PCDHA8: variants seen among roughly 807,000 people sequenced by gnomAD.
The protein encoded by PCDHA8 is protocadherin alpha 8, also known as protocadherin alpha-8.
PCDHA8 carries 53 observed loss-of-function variants against 61.8 expected under a neutral mutation model. That is an observed-to-expected ratio of 0.86 (90% confidence interval 0.69 to 1.08). The LOEUF is 1.08. Among genes scored for constraint, PCDHA8 ranks in the 50% least tolerant of loss-of-function variants. The probability of loss-of-function intolerance (pLI) is 0.00; values close to 1 mark genes in which losing one functional copy is unlikely to be tolerated. For missense variants in PCDHA8, 1,293 were observed against 1,245.0 expected (o/e 1.04, Z -0.58); for synonymous variants, 618 against 556.6 (o/e 1.11, Z -1.55).
chr5:140,986,011 T>A (rs1172713730), intron 3 of PCDHA8, among the ~76,000 whole-genome samples: 1 of 152,184 alleles, frequency 6.6e-6, no homozygotes, highest in Non-Finnish European at 1.5e-5. Flanking sequence ...AGTGCTGGGA[T>A]TACAGGCGTG....
intron 1 of PCDHA8, chr5:140,857,310 A>G (rs781828328): frequency 6.3e-7 from 1 of 1,598,492 alleles, no homozygotes; most frequent in Non-Finnish European, 8.6e-7. Context: ...TCGGCCTATG[A>G]GCTGGTGGTG....
At chr5:140,858,437 G>A (rs1343643925) in intron 1 of PCDHA8, 1 of 1,541,834 alleles carries the variant, frequency 6.5e-7, no homozygotes, top group Non-Finnish European at 8.8e-7. Flanking sequence ...CTCTAGGAAG[G>A]TGGGTTATTA....
At chr5:140,859,918 G>A (rs2046091009) in intron 1 of PCDHA8, 1 of 151,762 alleles carries the variant, frequency 6.6e-6, no homozygotes, top group Admixed American at 6.6e-5. Flanking sequence ...TATATTATAA[G>A]TAATATAAAA....
At chr5:140,866,241 A>C (rs1554160141) in intron 1 of PCDHA8, 1 of 152,134 alleles carries the variant, frequency 6.6e-6, no homozygotes, top group African/African-American at 2.4e-5. Context: ...ATATACCAAA[A>C]ATGACACCCT....
Position 140,871,086 on chromosome 5 carries a change from G to C in PCDHA8, c.2394+27371G>C, listed in dbSNP as rs556097993. The C allele has an allele frequency of 1.9e-6, 3 of 1,613,256 alleles. No individual in the cohort carries two copies. In the South Asian group the frequency reaches 3.3e-5, roughly 18 times the overall value. ...ACGGTGAGCCGGCGCTGACGGCCAC[G>C]GCCACCGTGCTGGTGTCGTTGGTGG... On this transcript the variant is annotated intron_variant, in intron 1 of 3. Coordinates refer to ENST00000531613, the MANE Select transcript of PCDHA8 (RefSeq NM_018911.3).
intron 1 of PCDHA8, among the ~76,000 whole-genome samples, chr5:140,938,157 G>C (rs532966795): frequency 6.6e-6 from 1 of 152,022 alleles, no homozygotes; most frequent in African/African-American, 2.4e-5. Context: ...CATTGCCCAG[G>C]CTAGTCTGGA....
intron 1 of PCDHA8, among the ~76,000 whole-genome samples, chr5:140,902,233 T>C (rs1402685005): frequency 6.7e-6 from 1 of 149,150 alleles, no homozygotes; most frequent in African/African-American, 2.5e-5. Context: ...AGATGAGGAC[T>C]TGCTTTGTTG....
chr5:140,885,430 A>T (rs1216159578), intron 1 of PCDHA8, among the ~76,000 whole-genome samples: 2 of 152,132 alleles, frequency 1.3e-5, no homozygotes, highest in African/African-American at 4.8e-5. Context: ...CCACAGTGTA[A>T]GTGTGCAATT....
At chr5:140,967,091 G>A (rs782261207) in intron 1 of PCDHA8, 1 of 1,613,196 alleles carries the variant, frequency 6.2e-7, no homozygotes. Context: ...TGATCGGGAG[G>A]CGCTGTGTGA....
At chr5:140,923,950 C>T (rs544576500) in intron 1 of PCDHA8, among the ~76,000 whole-genome samples, 3 of 152,266 alleles carry the variant, frequency 2.0e-5, no homozygotes, top group Admixed American at 6.5e-5. Flanking sequence ...TTTTTCCTCA[C>T]GCCCTAATCT....
At chr5:140,991,716 A>G (rs1287772391) in intron 3 of PCDHA8, among the ~76,000 whole-genome samples, 1 of 152,164 alleles carries the variant, frequency 6.6e-6, no homozygotes, top group East Asian at 1.9e-4. Flanking sequence ...TATTGCTACT[A>G]GCAGCCTGTT....
At chr5:140,962,438 G>A (rs1375451859) in intron 1 of PCDHA8, among the ~76,000 whole-genome samples, 3 of 152,108 alleles carry the variant, frequency 2.0e-5, no homozygotes, top group Non-Finnish European at 2.9e-5. Context: ...CTTATCCAAA[G>A]ATGGCTTGAA....
chr5:140,970,912 T>C (rs1035265875), intron 1 of PCDHA8, among the ~76,000 whole-genome samples: 3 of 152,212 alleles, frequency 2.0e-5, no homozygotes, highest in Non-Finnish European at 2.9e-5. Flanking sequence ...TTTATTCATT[T>C]ATCAGAAGTG....
At position 140,842,416 on chromosome 5, in the gene PCDHA8, T is replaced by C. The variant is rs1486970475; in HGVS notation, c.1095T>C (p.Phe365=). 1 of 1,613,166 alleles carries C rather than the reference T, an allele frequency of 6.2e-7. No homozygotes were observed. Among genetic ancestry groups the C allele is most frequent in the Non-Finnish European group, 8.5e-7 (1 of 1,179,328 alleles). The change falls in exon 1 of 4, where the codon TTT becomes TTC. Residue 365 remains phenylalanine, a synonymous_variant. Transcript: ENST00000531613. ...LSLPVREDAQ[F]GTVIALISVN... is the part of the protein sequence containing the mutation. ...TGCCTGTACGTGAAGACGCTCAATT[T>C]GGTACTGTCATCGCCCTAATTAGCG...
At chr5:140,862,748 C>T in intron 1 of PCDHA8, 1 of 577,560 alleles carries the variant, frequency 1.7e-6, no homozygotes, top group Non-Finnish European at 3.3e-6. Flanking sequence ...TGGGTGCACG[C>T]GGAGAGCGGC....
chr5:140,933,372 C>T (rs1332069734), intron 1 of PCDHA8, among the ~76,000 whole-genome samples: 2 of 151,918 alleles, frequency 1.3e-5, no homozygotes, highest in African/African-American at 2.4e-5. Flanking sequence ...TCCCAAATTC[C>T]TTGGCTGTTC....
intron 1 of PCDHA8, among the ~76,000 whole-genome samples, chr5:140,895,220 A>C (rs1044682871): frequency 6.6e-6 from 1 of 152,158 alleles, no homozygotes; most frequent in Non-Finnish European, 1.5e-5. Context: ...CTAATATTTT[A>C]CTGAGTTTTC....
chr5:140,843,740 C>G (rs782492231), intron 1 of PCDHA8, 25 bp downstream of exon 1: 1 of 1,536,514 alleles, frequency 6.5e-7, no homozygotes, highest in Non-Finnish European at 8.9e-7. Flanking sequence ...ATTTAGAACT[C>G]ATAAATTCTA....
chr5:140,853,332 G>A (rs2042712938), intron 1 of PCDHA8: 2 of 984,708 alleles, frequency 2.0e-6, no homozygotes, highest in African/African-American at 3.5e-5. Flanking sequence ...TATCTTTTGA[G>A]GTCATTAGCA....
Sources: gnomAD v4.1 joint callset for allele counts (sites outside exome capture counted in the v4.1 genomes callset) on GRCh38, gnomAD v4.1.1 for gene constraint, MANE v1.5 for transcripts, NCBI Gene and HGNC (gene_info 2026-07-23, HGNC 2026-07-21) for gene names.